LYPD6B: variants seen among roughly 807,000 people sequenced by gnomAD.
LYPD6B encodes LY6/PLAUR domain containing 6B.
In LYPD6B, 17 loss-of-function variants were observed where a neutral mutation model predicts 22.8. The ratio of observed to expected loss-of-function variants is 0.75; its 90% CI spans 0.51 to 1.12. LYPD6B has a LOEUF of 1.12. LYPD6B is among the 50% of genes most tolerant of loss of function. LYPD6B has a pLI of 0.00. For missense variants in LYPD6B, 221 were observed against 258.3 expected, an observed-to-expected ratio of 0.86 and a Z score of 0.99; for synonymous variants, 106 against 91.6, an observed-to-expected ratio of 1.16 and a Z score of -0.90.
chr2:149,079,338 A>G (rs1685019349), intron 1 of LYPD6B, among the ~76,000 whole-genome samples: 1 of 152,196 alleles, frequency 6.6e-6, no homozygotes, highest in Admixed American at 6.5e-5. Context: ...ACTATGTTTA[A>G]TGTAATTTGG....
intron 1 of LYPD6B, among the ~76,000 whole-genome samples, chr2:149,095,148 T>C (rs990556927): frequency 2.0e-5 from 3 of 152,052 alleles, no homozygotes; most frequent in Admixed American, 2.0e-4. Flanking sequence ...ATATAAAAAT[T>C]AGCCGGGGAT....
intron 3 of LYPD6B, among the ~76,000 whole-genome samples, chr2:149,167,509 A>T (rs546195387): frequency 6.6e-6 from 1 of 152,184 alleles, no homozygotes; most frequent in Admixed American, 6.5e-5. Context: ...GGTGCCCAGG[A>T]GAAGGATGTG....
At chr2:149,131,002 C>T (rs1687994104) in intron 2 of LYPD6B, 49 bp downstream of exon 2, 1 of 1,304,626 alleles carries the variant, frequency 7.7e-7, no homozygotes. Flanking sequence ...TTTTATTTAA[C>T]TATAAATGCT....
intron 2 of LYPD6B, among the ~76,000 whole-genome samples, chr2:149,151,637 A>G (rs956526663): frequency 7.9e-5 from 12 of 152,216 alleles, no homozygotes; most frequent in Admixed American, 2.6e-4. Context: ...GGGATTCTAT[A>G]GAACAAGTTA....
chr2:149,054,243 T>C (rs1683689591), intron 1 of LYPD6B, among the ~76,000 whole-genome samples: 3 of 152,338 alleles, frequency 2.0e-5, no homozygotes, highest in Non-Finnish European at 4.4e-5. Flanking sequence ...AATTTTTCCA[T>C]ATTCTTGCTG....
At position 149,083,715 on chromosome 2, in the gene LYPD6B, G is replaced by T. The variant is rs143290938; in HGVS notation, c.-67+44914G>T. 1.2e-3 allele frequency among the ~76,000 whole-genome samples: 182 copies of T among 152,222 alleles called. 1 individual carries two copies. The highest frequency in any genetic ancestry group is 4.0e-3 in the African/African-American group (168 of 41,534). On this transcript the variant is annotated intron_variant, in intron 1 of 6. Transcript: ENST00000409642. ...ATAGGTGATGCTGTGAAGTTCGTATGGCACGATGTGCTGCTGTCTCAATAT... is the reference window on the plus strand; with the variant it reads ...ATAGGTGATGCTGTGAAGTTCGTATTGCACGATGTGCTGCTGTCTCAATAT...
intron 1 of LYPD6B, among the ~76,000 whole-genome samples, chr2:149,119,390 TATC>T (rs1466192189): frequency 6.6e-6 from 1 of 152,242 alleles, no homozygotes; most frequent in East Asian, 1.9e-4. Context: ...GTCAATATGA[TATC>T]ATAATTGTCT....
intron 3 of LYPD6B, among the ~76,000 whole-genome samples, chr2:149,170,702 A>G (rs899291194): frequency 1.3e-5 from 2 of 152,232 alleles, no homozygotes; most frequent in African/African-American, 2.4e-5. Flanking sequence ...ATCAAAAGAA[A>G]GTACTCAAGG....
At chr2:149,083,727 T>C (rs1685245239) in intron 1 of LYPD6B, among the ~76,000 whole-genome samples, 1 of 152,308 alleles carries the variant, frequency 6.6e-6, no homozygotes, top group Non-Finnish European at 1.5e-5. Flanking sequence ...CACGATGTGC[T>C]GCTGTCTCAA....
intron 1 of LYPD6B, among the ~76,000 whole-genome samples, chr2:149,061,488 C>T (rs1438418870): frequency 6.6e-6 from 1 of 151,910 alleles, no homozygotes; most frequent in East Asian, 1.9e-4. Flanking sequence ...CCTGGTAGCC[C>T]CCTGTGAGGC....
At chr2:149,164,658 T>A (rs565353827) in intron 3 of LYPD6B, among the ~76,000 whole-genome samples, 1 of 152,232 alleles carries the variant, frequency 6.6e-6, no homozygotes, top group Non-Finnish European at 1.5e-5. Context: ...CTTGGCACCC[T>A]ACCTTGGTGC....
intron 3 of LYPD6B, among the ~76,000 whole-genome samples, chr2:149,196,747 C>T (rs927811744): frequency 4.6e-5 from 7 of 152,190 alleles, no homozygotes; most frequent in African/African-American, 1.7e-4. Context: ...TATCCAAACA[C>T]ACATATACAG....
rs551596699 is a variant in LYPD6B at position 149,103,706 on chromosome 2, T to C, written c.-66-27177T>C. On this transcript the variant is annotated intron_variant, in intron 1 of 6. Coordinates refer to ENST00000409642, the MANE Select transcript of LYPD6B (RefSeq NM_177964.5). ...GGGAAGTACTTTCTGCCAGTATAAT[T>C]TGCATTTTGTCTGGCTTCTTTCACT... 3.3e-5 allele frequency among the ~76,000 whole-genome samples: 5 copies of C among 151,906 alleles called. No homozygotes were observed. The South Asian group carries it at 1.0e-3, about 32-fold the overall frequency.
chr2:149,201,811 A>T (rs1221598532), intron 3 of LYPD6B, among the ~76,000 whole-genome samples: 1 of 152,206 alleles, frequency 6.6e-6, no homozygotes, highest in African/African-American at 2.4e-5. Context: ...GTCTATATGG[A>T]AGCAATTTTT....
intron 3 of LYPD6B, among the ~76,000 whole-genome samples, chr2:149,179,515 C>T (rs758041594): frequency 6.6e-6 from 1 of 152,210 alleles, no homozygotes; most frequent in Non-Finnish European, 1.5e-5. Flanking sequence ...GTGCCACAAA[C>T]GTGTTTTTCC....
intron 1 of LYPD6B, among the ~76,000 whole-genome samples, chr2:149,106,395 A>G (rs1452749818): frequency 6.6e-6 from 1 of 152,158 alleles, no homozygotes; most frequent in African/African-American, 2.4e-5. Flanking sequence ...CAGTGAAGAC[A>G]TCTTGGTCTG....
At chr2:149,127,676 T>C (rs1006783936) in intron 1 of LYPD6B, among the ~76,000 whole-genome samples, 12 of 152,204 alleles carry the variant, frequency 7.9e-5, no homozygotes, top group Non-Finnish European at 1.5e-5. Flanking sequence ...ATAAATGCAT[T>C]ATAAGATTGT....
rs113768121 is a variant in LYPD6B at position 149,167,054 on chromosome 2, GT to G, written c.77+6231del. Reference sequence around the variant, plus strand: ...TTTATAATCCTCTTCTGCATTAAGTGTTTTTTTTTTTTCTCTTGTGGATGCT... The same window carrying G: ...TTTATAATCCTCTTCTGCATTAAGTGTTTTTTTTTTTCTCTTGTGGATGCT... On this transcript the variant is annotated intron_variant, in intron 3 of 6. Transcript: ENST00000409642. 4.3e-3 allele frequency among the ~76,000 whole-genome samples: 625 copies of G among 144,984 alleles called. 8 individuals are homozygous for G. The highest frequency in any genetic ancestry group is 0.012 in the African/African-American group (490 of 39,938).
intron 4 of LYPD6B, among the ~76,000 whole-genome samples, chr2:149,206,958 A>T (rs1693543805): frequency 6.6e-6 from 1 of 152,158 alleles, no homozygotes; most frequent in Non-Finnish European, 1.5e-5. Context: ...AGCAAACTAA[A>T]TGTTAAATAA....
Sources: gnomAD v4.1 joint callset for allele counts (sites outside exome capture counted in the v4.1 genomes callset) on GRCh38, gnomAD v4.1.1 for gene constraint, MANE v1.5 for transcripts, NCBI Gene and HGNC (gene_info 2026-07-23, HGNC 2026-07-21) for gene names.